Variants in LRRC75A observed in about 807,000 individuals in gnomAD.
LRRC75A encodes leucine rich repeat containing 75A.
In LRRC75A, 12 loss-of-function variants were observed where a neutral mutation model predicts 26.0. The observed-to-expected ratio is 0.46, with a 90% CI of 0.30 to 0.75. The LOEUF is 0.75. LRRC75A is among the 30% of genes least tolerant of loss of function. LRRC75A has a pLI of 0.08. For synonymous variants in LRRC75A, 223 were observed against 219.3 expected (o/e 1.02, Z -0.15); for missense variants, 410 against 486.6 (o/e 0.84, Z 1.48).
rs775819720 is a variant in LRRC75A at position 16,454,932 on chromosome 17, CT to C, written c.376-6973del. ...CATTTCTTTTCTTTTCTTTTCTTTT[CT>C]TTTTTTTTTTTAGTGACGGAGTCTT... On this transcript the variant is annotated intron_variant, in intron 2 of 3. Transcript: ENST00000470794. Among the ~76,000 whole-genome samples, 482 of 107,804 alleles carry C rather than the reference CT, an allele frequency of 4.5e-3. 4 individuals carry two copies. In the East Asian group the frequency reaches 0.047, roughly 11 times the overall value. 70.7% of individuals were successfully genotyped at this position (107,804 alleles called of 152,430 possible). A position where few individuals can be genotyped will look rare whatever the true frequency, so the allele number is the denominator to read the frequency against.
chr17:16,488,325 T>C (rs955532862), intron 1 of LRRC75A, among the ~76,000 whole-genome samples: 5 of 152,192 alleles, frequency 3.3e-5, no homozygotes, highest in African/African-American at 9.7e-5. Flanking sequence ...TGCTTCTAAA[T>C]GTGCAGTGAG....
At chr17:16,483,306 A>C (rs2093838835) in intron 1 of LRRC75A, among the ~76,000 whole-genome samples, 1 of 152,208 alleles carries the variant, frequency 6.6e-6, no homozygotes, top group Non-Finnish European at 1.5e-5. Flanking sequence ...TGCCCCTGGC[A>C]CCATGTGATG....
Position 16,444,058 on chromosome 17 carries a change from C to T in LRRC75A, c.565G>A (p.Asp189Asn). 3 of 1,613,154 alleles carry T rather than the reference C, an allele frequency of 1.9e-6. No individual in the cohort carries two copies. The highest frequency in any genetic ancestry group is 2.5e-6 in the Non-Finnish European group (3 of 1,179,610). ...AGGTAGCTGGTCACCCGCTCCAGGT[C>T]TCGGGAGGTCAGTGGGATTCCCGAC... ...DLSGIPLTSR[D>N]LERVTSYLQR... Residue 189 changes from aspartate to asparagine, a missense_variant, in exon 4 of 4, where the codon GAC becomes AAC. Coordinates refer to ENST00000470794, the MANE Select transcript of LRRC75A (RefSeq NM_001113567.3).
At chr17:16,475,596 G>GGT (rs1245695288) in intron 1 of LRRC75A, among the ~76,000 whole-genome samples, 4 of 152,164 alleles carry the variant, frequency 2.6e-5, no homozygotes, top group Non-Finnish European at 5.9e-5. Flanking sequence ...CTGTCACCCA[G>GGT]GCTACAGTGT....
At chr17:16,484,164 C>T (rs867713657) in intron 1 of LRRC75A, among the ~76,000 whole-genome samples, 18 of 151,904 alleles carry the variant, frequency 1.2e-4, no homozygotes, top group African/African-American at 4.1e-4. Flanking sequence ...AGTGAAACCC[C>T]GTCTCTACTA....
chr17:16,461,589 G>A (rs1030822032), intron 2 of LRRC75A, among the ~76,000 whole-genome samples: 3 of 152,178 alleles, frequency 2.0e-5, no homozygotes, highest in African/African-American at 4.8e-5. Flanking sequence ...TTTCCCTTCC[G>A]AGCTCCCAGG....
At chr17:16,471,686 G>A (rs2093806589) in intron 1 of LRRC75A, among the ~76,000 whole-genome samples, 1 of 152,218 alleles carries the variant, frequency 6.6e-6, no homozygotes, top group Non-Finnish European at 1.5e-5. Flanking sequence ...CCCCAAGGTG[G>A]TTCTCAGCTC....
At chr17:16,490,497 A>G (rs2143463016) in intron 1 of LRRC75A, among the ~76,000 whole-genome samples, 1 of 152,270 alleles carries the variant, frequency 6.6e-6, no homozygotes, top group Non-Finnish European at 1.5e-5. Context: ...GGGAAAACAG[A>G]GGCAGAAGCA....
chr17:16,448,640 T>C (rs1398497630), intron 2 of LRRC75A, among the ~76,000 whole-genome samples: 1 of 152,162 alleles, frequency 6.6e-6, no homozygotes, highest in Non-Finnish European at 1.5e-5. Context: ...CAGCTGTATT[T>C]GGAGACAAGG....
Position 16,492,182 on chromosome 17 carries a change from C to A in LRRC75A, c.-192G>T, listed in dbSNP as rs1261680217. 1 of 294,246 alleles carries A rather than the reference C, an allele frequency of 3.4e-6. No homozygotes were observed. The highest frequency in any genetic ancestry group is 1.3e-4 in the South Asian group (1 of 7,772). The allele number at this position is 294,246 out of a possible 1,614,324, so 18.2% of individuals were successfully genotyped here. The stretch of plus-strand genomic sequence containing the variant: ...CCCCGCGCTCCTCCCTCTTGGCTAC[C>A]CGGGCGCGCTCCCCGGGCGCTCGCC... On this transcript the variant is annotated 5_prime_UTR_variant, in exon 1 of 4. Transcript: ENST00000470794.
At chr17:16,457,505 C>A (rs1472082545) in intron 2 of LRRC75A, among the ~76,000 whole-genome samples, 1 of 152,210 alleles carries the variant, frequency 6.6e-6, no homozygotes, top group African/African-American at 2.4e-5. Context: ...CCCACTTCGG[C>A]ATGTGCAGCC....
chr17:16,484,729 GCA>G (rs2093842404), intron 1 of LRRC75A, among the ~76,000 whole-genome samples: 1 of 152,148 alleles, frequency 6.6e-6, no homozygotes, highest in Non-Finnish European at 1.5e-5. Context: ...GGAGTGGGAG[GCA>G]GAGAGGCAGA....
chr17:16,483,072 G>C (rs1271683548), intron 1 of LRRC75A, among the ~76,000 whole-genome samples: 1 of 152,200 alleles, frequency 6.6e-6, no homozygotes, highest in African/African-American at 2.4e-5. Context: ...AGAGAGACCA[G>C]ATGTGCAAGG....
At chr17:16,484,261 G>A (rs2093841135) in intron 1 of LRRC75A, among the ~76,000 whole-genome samples, 1 of 152,130 alleles carries the variant, frequency 6.6e-6, no homozygotes, top group African/African-American at 2.4e-5. Flanking sequence ...GCTTGAACCT[G>A]GGAGGTGGAG....
chr17:16,472,002 A>G (rs149871163), intron 1 of LRRC75A, among the ~76,000 whole-genome samples: 1 of 152,340 alleles, frequency 6.6e-6, no homozygotes, highest in African/African-American at 2.4e-5. Flanking sequence ...ATGGTTGCAC[A>G]GCAATATGAA....
chr17:16,469,444 C>T (rs764883505), intron 1 of LRRC75A, among the ~76,000 whole-genome samples: 16 of 152,170 alleles, frequency 1.1e-4, no homozygotes, highest in Non-Finnish European at 2.1e-4. Context: ...ATCTATCCTA[C>T]GCTCAGGCTT....
Position 16,454,796 on chromosome 17 carries a change from C to A in LRRC75A, c.376-6836G>T, listed in dbSNP as rs1435929170. Reference sequence around the variant, plus strand: ...TGGGGTTTGGGGTCTTCATTTCTTTCTTTTTTTAAAGAGATGGGGGTCTCA... The same window carrying A: ...TGGGGTTTGGGGTCTTCATTTCTTTATTTTTTTAAAGAGATGGGGGTCTCA... On this transcript the variant is annotated intron_variant, in intron 2 of 3. Transcript: ENST00000470794. 1.4e-4 allele frequency among the ~76,000 whole-genome samples: 21 copies of A among 152,084 alleles called. No individual in the cohort carries two copies. The East Asian group carries it at 4.1e-3, about 29-fold the overall frequency.
chr17:16,447,513 G>C (rs1447469112), intron 3 of LRRC75A, among the ~76,000 whole-genome samples: 8 of 152,122 alleles, frequency 5.3e-5, no homozygotes, highest in Admixed American at 4.6e-4. Context: ...GGTCAGGCTG[G>C]TCTCGAACTC....
intron 1 of LRRC75A, chr17:16,463,938 G>A (rs897193627): frequency 2.0e-5 from 3 of 152,356 alleles, no homozygotes; most frequent in Non-Finnish European, 2.9e-5. Flanking sequence ...CGGGCTCTGC[G>A]GTCTGGCAGC....
Sources: allele counts gnomAD v4.1 joint callset (sites outside exome capture counted in the v4.1 genomes callset), GRCh38; gene constraint gnomAD v4.1.1; transcripts MANE v1.5; gene names NCBI Gene and HGNC (gene_info 2026-07-23, HGNC 2026-07-21).